CADM2: variants seen among roughly 807,000 people sequenced by gnomAD.
CADM2 encodes the protein immunoglobulin superfamily member 4D.
In CADM2, 12 loss-of-function variants were observed where a neutral mutation model predicts 49.8. The ratio of observed to expected loss-of-function variants is 0.24; its 90% confidence interval spans 0.15 to 0.39. CADM2 has a LOEUF of 0.39. Among genes scored for constraint, CADM2 ranks in the 10% least tolerant of loss-of-function variants. The pLI is 1.00. For synonymous variants in CADM2, 214 were observed against 175.4 expected (o/e 1.22, Z -1.74); for missense variants, 378 against 492.3 (o/e 0.77, Z 2.20).
intron 1 of CADM2, among the ~76,000 whole-genome samples, chr3:85,396,369 T>C (rs2034790552): frequency 6.6e-6 from 1 of 151,996 alleles, no homozygotes; most frequent in South Asian, 2.1e-4. Context: ...TTTTTCATGA[T>C]AAAATGATCA....
chr3:85,620,341 A>G (rs1258431157), intron 1 of CADM2, among the ~76,000 whole-genome samples: 1 of 152,126 alleles, frequency 6.6e-6, no homozygotes, highest in Non-Finnish European at 1.5e-5. Flanking sequence ...AGTATTTTAT[A>G]TAAAATTCTT....
chr3:85,359,112 C>G (rs1050487426), intron 1 of CADM2, among the ~76,000 whole-genome samples: 1 of 152,078 alleles, frequency 6.6e-6, no homozygotes, highest in African/African-American at 2.4e-5. Flanking sequence ...GGGTGTTAGG[C>G]TTGACTGAGG....
chr3:85,396,438 TTGG>T (rs1369175394), intron 1 of CADM2, among the ~76,000 whole-genome samples: 1 of 152,024 alleles, frequency 6.6e-6, no homozygotes, highest in Non-Finnish European at 1.5e-5. Flanking sequence ...TCTTATCTTA[TTGG>T]TAAATATAAT....
chr3:85,981,999 G>A (rs1415044234), intron 8 of CADM2, among the ~76,000 whole-genome samples: 1 of 151,562 alleles, frequency 6.6e-6, no homozygotes, highest in Non-Finnish European at 1.5e-5. Flanking sequence ...CCATTTCTCT[G>A]CAAACTTGCC....
chr3:85,063,722 G>C (rs2036421258), intron 1 of CADM2, among the ~76,000 whole-genome samples: 1 of 151,896 alleles, frequency 6.6e-6, no homozygotes, highest in African/African-American at 2.4e-5. Context: ...TTTTGAAATG[G>C]AGTAAAAATT....
intron 2 of CADM2, among the ~76,000 whole-genome samples, chr3:85,791,764 C>A (rs1318126715): frequency 6.6e-6 from 1 of 152,072 alleles, no homozygotes; most frequent in African/African-American, 2.4e-5. Context: ...CACTTTGTCA[C>A]CCAGGCTGGA....
intron 1 of CADM2, among the ~76,000 whole-genome samples, chr3:85,238,698 A>G (rs2042463409): frequency 6.6e-6 from 1 of 151,900 alleles, no homozygotes; most frequent in Non-Finnish European, 1.5e-5. Flanking sequence ...TTGTTCAGGT[A>G]GGTCAGTGAT....
chr3:85,566,477 G>A lies in CADM2; in HGVS notation c.62-160045G>A, dbSNP rs192808737. Among the ~76,000 whole-genome samples the A allele has an allele frequency of 1.6e-3, 243 of 152,150 alleles. 2 individuals are homozygous for A. The highest frequency in any genetic ancestry group is 5.3e-3 in the African/African-American group (222 of 41,532). On this transcript the variant is annotated intron_variant, in intron 1 of 9. Transcript: ENST00000383699. Reference sequence around the variant, plus strand: ...AAGCCTTCAAATAAGATGCCTTGTTGAGCACTGTTTCTGCTTTTACCCAAG... The same window carrying A: ...AAGCCTTCAAATAAGATGCCTTGTTAAGCACTGTTTCTGCTTTTACCCAAG...
intron 3 of CADM2, among the ~76,000 whole-genome samples, chr3:85,845,500 A>C (rs1577459997): frequency 6.6e-6 from 1 of 152,306 alleles, no homozygotes; most frequent in Admixed American, 6.5e-5. Flanking sequence ...GTTATGCTTT[A>C]AGATTCATGA....
chr3:85,972,562 A>G (rs1472605713), intron 8 of CADM2, among the ~76,000 whole-genome samples: 1 of 151,818 alleles, frequency 6.6e-6, no homozygotes, highest in Non-Finnish European at 1.5e-5. Context: ...GGAGAGAAAC[A>G]AGCAGCTTGG....
At chr3:85,586,648 T>A (rs538501764) in intron 1 of CADM2, among the ~76,000 whole-genome samples, 18 of 152,270 alleles carry the variant, frequency 1.2e-4, no homozygotes, top group Admixed American at 1.0e-3. Flanking sequence ...TCACGTATAT[T>A]AATAAATCTG....
At chr3:85,135,054 T>A (rs1478163226) in intron 1 of CADM2, among the ~76,000 whole-genome samples, 2 of 151,972 alleles carry the variant, frequency 1.3e-5, no homozygotes, top group Non-Finnish European at 2.9e-5. Flanking sequence ...ATGTCTCTGA[T>A]AAAAATTATT....
chr3:85,485,912 A>G (rs571295775), intron 1 of CADM2, among the ~76,000 whole-genome samples: 1 of 152,202 alleles, frequency 6.6e-6, no homozygotes, highest in African/African-American at 2.4e-5. Flanking sequence ...CAAAATTCGA[A>G]GACCCTGCTA....
intron 7 of CADM2, among the ~76,000 whole-genome samples, chr3:85,954,055 A>G (rs935246243): frequency 1.3e-5 from 2 of 150,948 alleles, no homozygotes; most frequent in Non-Finnish European, 3.0e-5. Flanking sequence ...TAAGTAAAAC[A>G]CTCAAATTTA....
intron 1 of CADM2, among the ~76,000 whole-genome samples, chr3:84,988,214 C>T (rs1315425469): frequency 1.3e-5 from 2 of 152,184 alleles, no homozygotes; most frequent in Admixed American, 6.5e-5. Context: ...ATTTGCTTCT[C>T]CTGATGAACA....
intron 1 of CADM2, among the ~76,000 whole-genome samples, chr3:85,028,436 A>C (rs1355953845): frequency 1.3e-5 from 2 of 152,126 alleles, no homozygotes; most frequent in African/African-American, 4.8e-5. Context: ...AAACCATGCT[A>C]TTTAGAAATT....
rs1181706633 is a variant in CADM2 at position 85,568,445 on chromosome 3, TTC to T, written c.62-158075_62-158074del. On this transcript the variant is annotated intron_variant, in intron 1 of 9. Coordinates refer to ENST00000383699, the MANE Select transcript of CADM2 (RefSeq NM_001167675.2). The stretch of plus-strand genomic sequence containing the variant: ...TTTCTTTCTTTCTTTCTTTCTTTCT[TTC>T]TTTCTTTCTTTCTTTCTCTTTCTCT... Among the ~76,000 whole-genome samples, 137 of 33,048 alleles carry T rather than the reference TTC, an allele frequency of 4.1e-3. 3 individuals are homozygous for T. Among genetic ancestry groups the T allele is most frequent in the African/African-American group, 0.014 (134 of 9,574 alleles). 21.7% of individuals were successfully genotyped at this position (33,048 alleles called of 152,430 possible).
intron 1 of CADM2, among the ~76,000 whole-genome samples, chr3:84,993,277 C>T (rs2032993603): frequency 6.6e-6 from 1 of 151,972 alleles, no homozygotes; most frequent in East Asian, 1.9e-4. Context: ...CTACTATAGC[C>T]CATTACAGTG....
chr3:85,609,644 C>A (rs2063626281), intron 1 of CADM2, among the ~76,000 whole-genome samples: 1 of 151,966 alleles, frequency 6.6e-6, no homozygotes, highest in South Asian at 2.1e-4. Context: ...GCTTTTAAGG[C>A]TAAAATAACT....
Sources: gnomAD v4.1 joint callset for allele counts (sites outside exome capture counted in the v4.1 genomes callset) on GRCh38, gnomAD v4.1.1 for gene constraint, MANE v1.5 for transcripts, NCBI Gene and HGNC (gene_info 2026-07-23, HGNC 2026-07-21) for gene names.